GRID1: variants seen among roughly 807,000 people sequenced by gnomAD.
The protein encoded by GRID1 is glutamate receptor ionotropic, delta-1.
In GRID1, 28 loss-of-function variants were observed where a neutral mutation model predicts 98.0. The observed-to-expected ratio is 0.29, with a 90% CI of 0.21 to 0.39. The LOEUF (loss-of-function observed/expected upper bound fraction) is 0.39, where lower values mean the gene tolerates loss of function less well. Among genes scored for constraint, GRID1 ranks in the 10% least tolerant of loss-of-function variants. GRID1 has a pLI of 1.00. For missense variants in GRID1, 1,111 were observed against 1,340.5 expected (o/e 0.83, Z 2.67); for synonymous variants, 553 against 538.5 (o/e 1.03, Z -0.37).
chr10:86,252,774 G>A (rs370891398), intron 2 of GRID1, among the ~76,000 whole-genome samples: 11 of 152,120 alleles, frequency 7.2e-5, no homozygotes, highest in Non-Finnish European at 1.0e-4. Context: ...GGGGGCCTCC[G>A]GCTGAGTGTG....
intron 5 of GRID1, among the ~76,000 whole-genome samples, chr10:85,882,456 G>A (rs1374887959): frequency 6.6e-6 from 1 of 152,126 alleles, no homozygotes; most frequent in Non-Finnish European, 1.5e-5. Flanking sequence ...AAAATGATGA[G>A]TTCATGTCCT....
intron 2 of GRID1, among the ~76,000 whole-genome samples, chr10:86,311,717 T>C (rs954249225): frequency 1.6e-4 from 25 of 152,210 alleles, no homozygotes; most frequent in African/African-American, 5.8e-4. Context: ...ACTGGCAGTT[T>C]AGGCATGGTG....
intron 13 of GRID1, among the ~76,000 whole-genome samples, chr10:85,642,522 C>T (rs76003355): frequency 0.21 from 32,056 of 152,148 alleles, 3,639 homozygotes; most frequent in Middle Eastern, 0.34. Flanking sequence ...ATCTTGTCTC[C>T]GATTTATCTG....
At chr10:85,948,170 G>A (rs1842076649) in intron 4 of GRID1, among the ~76,000 whole-genome samples, 1 of 152,234 alleles carries the variant, frequency 6.6e-6, no homozygotes, top group Non-Finnish European at 1.5e-5. Flanking sequence ...CCATGGCAAT[G>A]TAGGATTTGA....
rs73334772 is a variant in GRID1 at position 85,842,599 on chromosome 10, A to G, written c.1233+11897T>C. On this transcript the variant is annotated intron_variant, in intron 8 of 15. Transcript: ENST00000327946. ...TATTACAGATGCTATAGCCATTTGAACAATAAAAGAAAATACAAACAACAT... is the reference window on the plus strand; with the variant it reads ...TATTACAGATGCTATAGCCATTTGAGCAATAAAAGAAAATACAAACAACAT... Among the ~76,000 whole-genome samples the G allele has an allele frequency of 5.7e-3, 868 of 152,224 alleles. 7 individuals carry two copies. The highest frequency in any genetic ancestry group is 0.02 in the African/African-American group (816 of 41,568).
intron 8 of GRID1, among the ~76,000 whole-genome samples, chr10:85,753,772 G>A (rs937041141): frequency 2.0e-5 from 3 of 152,286 alleles, no homozygotes; most frequent in East Asian, 1.9e-4. Context: ...AGCCTCCCAC[G>A]GGGAATAGGA....
At chr10:86,087,573 CAG>C (rs1169696295) in intron 4 of GRID1, among the ~76,000 whole-genome samples, 1 of 151,296 alleles carries the variant, frequency 6.6e-6, no homozygotes, top group Non-Finnish European at 1.5e-5. Flanking sequence ...ACTGACAAGA[CAG>C]AGACCAGGCC....
intron 12 of GRID1, among the ~76,000 whole-genome samples, chr10:85,694,025 T>A (rs1377916493): frequency 6.6e-6 from 1 of 152,096 alleles, no homozygotes; most frequent in Non-Finnish European, 1.5e-5. Flanking sequence ...TTGCAAAACA[T>A]GCATTCAATA....
chr10:86,130,052 C>G (rs1032682101), intron 4 of GRID1, among the ~76,000 whole-genome samples: 1 of 152,280 alleles, frequency 6.6e-6, no homozygotes, highest in African/African-American at 2.4e-5. Flanking sequence ...ATCACCCCAG[C>G]TTACAGCTGG....
intron 8 of GRID1, among the ~76,000 whole-genome samples, chr10:85,745,721 AT>A: frequency 7.2e-6 from 1 of 138,818 alleles, no homozygotes; most frequent in Admixed American, 7.1e-5. Flanking sequence ...TTAAAGTATA[AT>A]TAAAAAAAAA....
At chr10:86,065,571 T>C (rs1339409978) in intron 4 of GRID1, among the ~76,000 whole-genome samples, 1 of 152,246 alleles carries the variant, frequency 6.6e-6, no homozygotes, top group African/African-American at 2.4e-5. Flanking sequence ...CAGTGGGATC[T>C]TTTGGGGCAG....
Position 86,056,369 on chromosome 10 carries a change from C to T in GRID1, c.726+82450G>A, listed in dbSNP as rs551537502. On this transcript the variant is annotated intron_variant, in intron 4 of 15. Coordinates refer to ENST00000327946, the MANE Select transcript of GRID1 (RefSeq NM_017551.3). The stretch of plus-strand genomic sequence containing the variant: ...AACAAAGATCTCCCAAGGAAGTGCT[C>T]ATTTGTCCAAACCAAGCTGATCTGC... Among the ~76,000 whole-genome samples the T allele has an allele frequency of 4.6e-5, 7 of 152,330 alleles. No individual in the cohort carries two copies. In the East Asian group the frequency reaches 1.3e-3, roughly 29 times the overall value.
At chr10:86,361,824 G>C (rs1052546455) in intron 2 of GRID1, among the ~76,000 whole-genome samples, 3 of 152,268 alleles carry the variant, frequency 2.0e-5, no homozygotes, top group Non-Finnish European at 4.4e-5. Flanking sequence ...TGTTAAAGCT[G>C]TGTGACAGCT....
At chr10:85,634,965 G>T (rs968436232) in intron 13 of GRID1, among the ~76,000 whole-genome samples, 1 of 122,040 alleles carries the variant, frequency 8.2e-6, no homozygotes, top group South Asian at 2.9e-4. Flanking sequence ...ATCAGACCTG[G>T]GTACAAAGCA....
At chr10:85,877,669 G>A (rs185710392) in intron 5 of GRID1, among the ~76,000 whole-genome samples, 9,084 of 152,096 alleles carry the variant, frequency 0.06, 320 homozygotes, top group Non-Finnish European at 0.079. Context: ...CAAAGATGGG[G>A]AAAAAACAGA....
rs142932902 is a variant in GRID1 at position 85,836,600 on chromosome 10, CA to C, written c.1233+17895del. Among the ~76,000 whole-genome samples, 895 of 152,254 alleles carry C rather than the reference CA, an allele frequency of 5.9e-3. 28 individuals carry two copies. In the East Asian group the frequency reaches 0.097, roughly 17 times the overall value. Reference sequence around the variant, plus strand: ...ATAGCTGATTAGAGAAGTGGTGGGGCAGCAGCCAGCTGATGTAGAGTATAGA... The same window carrying C: ...ATAGCTGATTAGAGAAGTGGTGGGGCGCAGCCAGCTGATGTAGAGTATAGA... On this transcript the variant is annotated intron_variant, in intron 8 of 15. Transcript: ENST00000327946.
intron 12 of GRID1, among the ~76,000 whole-genome samples, chr10:85,662,375 A>G (rs1400577927): frequency 3.9e-5 from 6 of 152,318 alleles, no homozygotes; most frequent in Admixed American, 3.9e-4. Flanking sequence ...TGGCTTGAGG[A>G]GACCCCCAGG....
At chr10:85,855,960 G>A in intron 7 of GRID1, 69 bp downstream of exon 7, 1 of 1,431,460 alleles carries the variant, frequency 7.0e-7, no homozygotes, top group South Asian at 1.2e-5. Flanking sequence ...AGCTACTAGA[G>A]GGGAACACAG....
intron 5 of GRID1, among the ~76,000 whole-genome samples, chr10:85,892,079 A>G (rs1357654038): frequency 6.6e-6 from 1 of 151,994 alleles, no homozygotes; most frequent in Non-Finnish European, 1.5e-5. Context: ...TTTAACAAAT[A>G]GAATATGTAA....
Sources: gnomAD v4.1 joint callset for allele counts (sites outside exome capture counted in the v4.1 genomes callset) on GRCh38, gnomAD v4.1.1 for gene constraint, MANE v1.5 for transcripts, NCBI Gene and HGNC (gene_info 2026-07-23, HGNC 2026-07-21) for gene names.